NRXN3: variants seen among roughly 807,000 people sequenced by gnomAD.
NRXN3 encodes the protein neurexin 3, also known as neurexin III.
In NRXN3, 32 loss-of-function variants were observed where a neutral mutation model predicts 137.6. The ratio of observed to expected loss-of-function variants is 0.23; its 90% CI spans 0.18 to 0.31. The LOEUF (loss-of-function observed/expected upper bound fraction) is 0.31, where lower values mean the gene tolerates loss of function less well. NRXN3 is among the 10% of genes least tolerant of loss of function. NRXN3 has a pLI of 1.00. For missense variants in NRXN3, 1,574 were observed against 2,062.5 expected (o/e 0.76, Z 4.59); for synonymous variants, 798 against 784.5 (o/e 1.02, Z -0.29).
intron 4 of NRXN3, among the ~76,000 whole-genome samples, chr14:78,581,055 T>A (rs1015198331): frequency 6.6e-5 from 10 of 152,230 alleles, no homozygotes; most frequent in Non-Finnish European, 1.3e-4. Context: ...TTACATAAAC[T>A]TTTTATTTAA....
At chr14:78,322,987 G>A (rs1291108568) in intron 4 of NRXN3, among the ~76,000 whole-genome samples, 1 of 151,866 alleles carries the variant, frequency 6.6e-6, no homozygotes, top group Non-Finnish European at 1.5e-5. Flanking sequence ...AATGAGGCTG[G>A]GCACCTTATT....
intron 20 of NRXN3, among the ~76,000 whole-genome samples, chr14:79,843,948 C>T (rs2099361642): frequency 6.6e-6 from 1 of 152,018 alleles, no homozygotes; most frequent in African/African-American, 2.4e-5. Flanking sequence ...CATTCTTGTA[C>T]CTTTGTGTCC....
chr14:78,932,883 C>T (rs1196704942), intron 10 of NRXN3, among the ~76,000 whole-genome samples: 5 of 152,076 alleles, frequency 3.3e-5, no homozygotes, highest in Non-Finnish European at 4.4e-5. Context: ...TCCAGGGTAC[C>T]TTCTATGTCC....
intron 4 of NRXN3, among the ~76,000 whole-genome samples, chr14:78,334,834 A>G (rs1351637637): frequency 1.3e-5 from 2 of 152,100 alleles, no homozygotes; most frequent in African/African-American, 4.8e-5. Flanking sequence ...ATTGTAGAAA[A>G]GCTGCCTTTT....
At chr14:79,533,837 C>T (rs2097189723) in intron 16 of NRXN3, among the ~76,000 whole-genome samples, 3 of 152,130 alleles carry the variant, frequency 2.0e-5, no homozygotes, top group African/African-American at 7.2e-5. Context: ...GATAGATGAT[C>T]AGAATCCATT....
chr14:78,655,219 C>A (rs530346629), intron 6 of NRXN3, among the ~76,000 whole-genome samples: 1 of 152,244 alleles, frequency 6.6e-6, no homozygotes, highest in African/African-American at 2.4e-5. Context: ...GATAATAAAA[C>A]TTCTGTTGCA....
intron 8 of NRXN3, among the ~76,000 whole-genome samples, chr14:78,735,534 T>C (rs1286227332): frequency 1.3e-5 from 2 of 152,140 alleles, no homozygotes. Context: ...TTCAGGAACC[T>C]GTAGAAATGA....
At chr14:78,305,986 C>T (rs1031702055) in intron 4 of NRXN3, among the ~76,000 whole-genome samples, 9 of 151,966 alleles carry the variant, frequency 5.9e-5, no homozygotes, top group African/African-American at 9.7e-5. Flanking sequence ...GTCTTTGAGA[C>T]GGTGCTTGAA....
At chr14:79,435,199 A>T (rs184408369) in intron 15 of NRXN3, among the ~76,000 whole-genome samples, 1 of 152,182 alleles carries the variant, frequency 6.6e-6, no homozygotes, top group Non-Finnish European at 1.5e-5. Flanking sequence ...TTGCTGAGGG[A>T]TCAGAGTTGC....
At chr14:79,308,895 T>A (rs527261103) in intron 15 of NRXN3, among the ~76,000 whole-genome samples, 2,906 of 145,266 alleles carry the variant, frequency 0.02, 76 homozygotes, top group African/African-American at 0.065. Flanking sequence ...ATTTTATTTT[T>A]TTTTATTTTA....
chr14:79,773,802 A>G (rs2099087680), intron 19 of NRXN3, among the ~76,000 whole-genome samples: 1 of 148,598 alleles, frequency 6.7e-6, no homozygotes, highest in African/African-American at 2.5e-5. Flanking sequence ...ATAAAAATAA[A>G]TAAAAATAAA....
chr14:78,259,350 T>C (rs1047115708), intron 2 of NRXN3, among the ~76,000 whole-genome samples: 2 of 152,146 alleles, frequency 1.3e-5, no homozygotes, highest in Admixed American at 1.3e-4. Context: ...CAAACTGGTA[T>C]TCTAATTTGA....
chr14:79,079,028 A>G (rs1201783172), intron 15 of NRXN3, among the ~76,000 whole-genome samples: 2 of 152,168 alleles, frequency 1.3e-5, no homozygotes, highest in African/African-American at 2.4e-5. Context: ...TGCTTCTTTT[A>G]GTGACACAAG....
chr14:78,514,646 T>C (rs1251040609), intron 4 of NRXN3, among the ~76,000 whole-genome samples: 1 of 152,182 alleles, frequency 6.6e-6, no homozygotes, highest in Non-Finnish European at 1.5e-5. Flanking sequence ...CAGGAAAGGT[T>C]CTTTCCCTCA....
At chr14:79,530,596 T>C (rs2097161039) in intron 16 of NRXN3, among the ~76,000 whole-genome samples, 3 of 151,594 alleles carry the variant, frequency 2.0e-5, no homozygotes, top group Non-Finnish European at 2.9e-5. Context: ...GTTTTTTGTT[T>C]TTTTTTTTTC....
intron 15 of NRXN3, among the ~76,000 whole-genome samples, chr14:79,021,700 G>C (rs1449190025): frequency 1.3e-5 from 2 of 152,110 alleles, no homozygotes; most frequent in Non-Finnish European, 2.9e-5. Flanking sequence ...TGAAATGCAA[G>C]GTTATGTGAC....
At chr14:78,730,582 A>C (rs2098510440) in intron 8 of NRXN3, among the ~76,000 whole-genome samples, 1 of 152,304 alleles carries the variant, frequency 6.6e-6, no homozygotes, top group South Asian at 2.1e-4. Context: ...TGTGGGCTGC[A>C]CAAAACTGCA....
chr14:79,642,846 T>C (rs1312003894), intron 16 of NRXN3, among the ~76,000 whole-genome samples: 1 of 136,334 alleles, frequency 7.3e-6, no homozygotes, highest in Non-Finnish European at 1.7e-5. Flanking sequence ...ACTAGCTAAT[T>C]GCATTTCCTC....
chr14:79,561,242 A>C (rs1288882470), intron 16 of NRXN3, among the ~76,000 whole-genome samples: 3 of 152,192 alleles, frequency 2.0e-5, no homozygotes, highest in Non-Finnish European at 4.4e-5. Context: ...TATTCAATAA[A>C]ACCAGAAAGA....
Sources: gnomAD v4.1 joint callset for allele counts (sites outside exome capture counted in the v4.1 genomes callset) on GRCh38, gnomAD v4.1.1 for gene constraint, MANE v1.5 for transcripts, NCBI Gene and HGNC (gene_info 2026-07-23, HGNC 2026-07-21) for gene names.